Variants in FIBP observed in about 807,000 individuals in gnomAD.
FIBP encodes acidic fibroblast growth factor intracellular-binding protein.
Under a neutral mutation model 40.5 loss-of-function variants are expected in FIBP, and 29 were observed. The observed-to-expected ratio is 0.72, with a 90% CI of 0.53 to 0.98. FIBP has a LOEUF of 0.98. FIBP is among the 50% of genes least tolerant of loss of function. FIBP has a pLI of 0.00. For missense variants in FIBP, 411 were observed against 470.2 expected (o/e 0.87, Z 1.16); for synonymous variants, 215 against 191.1 (o/e 1.13, Z -1.03).
rs771257958 is a variant in FIBP at position 65,888,062 on chromosome 11, C to T, written c.156G>A (p.Leu52=). The T allele has an allele frequency of 1.6e-5, 25 of 1,609,128 alleles. No individual in the cohort carries two copies. The highest frequency in any genetic ancestry group is 1.0e-4 in the South Asian group (9 of 90,412). Residue 52 remains leucine (L), a synonymous_variant, in exon 2 of 10, where the codon CTG becomes CTA. Transcript: ENST00000357519. ...LEQTGATAAV[L]QSDTMDHYRT... Reference sequence around the variant, plus strand: ...GGTAATGGTCCATGGTGTCGCTCTGCAGCACCGCTGCCGTGGCGCCAGTCT... The same window carrying T: ...GGTAATGGTCCATGGTGTCGCTCTGTAGCACCGCTGCCGTGGCGCCAGTCT...
intron 4 of FIBP, chr11:65,885,952 C>T (rs1031228618): frequency 4.4e-6 from 2 of 451,696 alleles, no homozygotes; most frequent in South Asian, 6.4e-5. Context: ...TATGGTACCT[C>T]TCAACAGCCC....
chr11:65,884,550 C>CA lies in FIBP; in HGVS notation c.906+19dup, dbSNP rs1368019949. On this transcript the variant is annotated intron_variant, in intron 8 of 9. Transcript: ENST00000357519. ...GCCAGGGACAGACCAGGTTGGGTGT[C>CA]AGAGAGCACGACAGCTCACCTTCTC... is the stretch of plus-strand genomic sequence containing the variant. 1 of 1,614,022 alleles carries CA rather than the reference C, an allele frequency of 6.2e-7. No individual in the cohort carries two copies. The highest frequency in any genetic ancestry group is 8.5e-7 in the Non-Finnish European group (1 of 1,179,980).
chr11:65,885,767 G>A, intron 4 of FIBP, 104 bp from the exon 5 acceptor site: 8 of 1,146,818 alleles, frequency 7.0e-6, no homozygotes, highest in Non-Finnish European at 8.8e-6. Context: ...GCCTCTCTCT[G>A]CCTCAAGTCA....
At chr11:65,884,542 T>C (rs1267303947) in intron 8 of FIBP, 28 bp downstream of exon 8, 11 of 1,613,770 alleles carry the variant, frequency 6.8e-6, no homozygotes, top group Admixed American at 1.7e-5. Flanking sequence ...ACAGACCAGG[T>C]TGGGTGTCAG....
chr11:65,885,165 T>C lies in FIBP; in HGVS notation c.668A>G (p.Asp223Gly), dbSNP rs146124046. ...GAGAAATTCCTTGTCTAAGTCCATG[T>C]CCATGTCATCCATCTGTGAGTCTGT... ...GAVDSQMDDM[D>G]MDLDKEFLQD... The change falls in exon 6 of 10, where the codon GAC becomes GGC. Residue 223 changes from aspartate (D) to glycine (G), a missense_variant. Asp to Gly is a moderately conservative substitution (Grantham distance 94). Transcript: ENST00000357519. The C allele has an allele frequency of 2.8e-4, 440 of 1,565,280 alleles. No homozygotes were observed. The highest frequency in any genetic ancestry group is 3.1e-4 in the Non-Finnish European group (362 of 1,153,556).
In FIBP at chr11:65,888,347, G is replaced by A. The variant is rs959421310; in HGVS notation, c.72C>T (p.Leu24=). ...CCCCTCACGGACCCGAGTAACCATC[G>A]AGCCAGAGGCGATACACGTCCTCGT... The part of the protein sequence containing the change: ...LIDEDVYRLW[L]DGYSVTDAVA... The change falls in exon 1 of 10, where the codon CTC becomes CTT. Residue 24 remains leucine, a synonymous_variant. Coordinates refer to ENST00000357519, the MANE Select transcript of FIBP (RefSeq NM_004214.5). The A allele has an allele frequency of 1.2e-5, 18 of 1,555,348 alleles. No individual in the cohort carries two copies. Among genetic ancestry groups the A allele is most frequent in the Admixed American group, 3.9e-5 (2 of 51,768 alleles).
At position 65,887,745 on chromosome 11, in the gene FIBP, ACCATTGACC is replaced by A. The variant is rs748779039; in HGVS notation, c.285-28_285-20del. On this transcript the variant is annotated intron_variant, in intron 2 of 9. Coordinates refer to ENST00000357519, the MANE Select transcript of FIBP (RefSeq NM_004214.5). ...ATAGTACCTTGTGGAGTCAGAGAAC[ACCATTGACC>A]CTCCATAAAAGACAGGAAAGGGAGT... 3.1e-5 allele frequency: 50 copies of A among 1,613,198 alleles called. No homozygotes were observed. In the African/African-American group the frequency reaches 6.4e-4, roughly 21 times the overall value.
intron 5 of FIBP, 139 bp downstream of exon 5, chr11:65,885,391 T>C (rs1253511856): frequency 9.2e-7 from 1 of 1,091,006 alleles, no homozygotes; most frequent in Non-Finnish European, 1.3e-6. Flanking sequence ...AAACATTCTA[T>C]GGGCAGGGGG....
At chr11:65,885,329 G>A (rs1860207419) in intron 5 of FIBP, 143 bp from the exon 6 acceptor site, 2 of 912,472 alleles carry the variant, frequency 2.2e-6, no homozygotes, top group African/African-American at 3.3e-5. Flanking sequence ...ACATGCCCCA[G>A]GCCACAGAGA....
chr11:65,884,123 C>T, intron 9 of FIBP, 80 bp from the exon 10 acceptor site: 1 of 1,121,302 alleles, frequency 8.9e-7, no homozygotes, highest in East Asian at 2.4e-5. Context: ...GCTTTCTACA[C>T]CTTCATTCAT....
At chr11:65,888,230 C>T in intron 1 of FIBP, 98 bp from the exon 2 acceptor site, 3 of 1,464,338 alleles carry the variant, frequency 2.0e-6, no homozygotes, top group Non-Finnish European at 2.8e-6. Flanking sequence ...TATTCCCAGG[C>T]GCTCGCCCAC....
chr11:65,886,391 A>T lies in FIBP; in HGVS notation c.443T>A (p.Val148Glu). ...CACCAGGGAGCCCCGCATTTCCTCT[A>T]CCACCTTGAAGACCCGTTTAAAGTT... ...FDNFKRVFKVVEEMRGSLVDN... is the reference protein window; with the variant it reads ...FDNFKRVFKVEEEMRGSLVDN... Residue 148 changes from valine (V) to glutamate (E), a missense_variant, in exon 4 of 10, where the codon GTA (valine) becomes GAA (glutamate). Coordinates refer to ENST00000357519, the MANE Select transcript of FIBP (RefSeq NM_004214.5). The T allele has an allele frequency of 6.2e-7, 1 of 1,613,860 alleles. No homozygotes were observed. The highest frequency in any genetic ancestry group is 8.5e-7 in the Non-Finnish European group (1 of 1,179,900).
intron 3 of FIBP, 47 bp downstream of exon 3, chr11:65,887,553 A>G (rs1591079118): frequency 6.2e-7 from 1 of 1,606,226 alleles, no homozygotes; most frequent in South Asian, 1.1e-5. Flanking sequence ...AAAGGGAGGG[A>G]GTGAAGTGTA....
chr11:65,888,087 T>G lies in FIBP; in HGVS notation c.131A>C (p.Gln44Pro). 2 of 1,602,452 alleles carry G rather than the reference T, an allele frequency of 1.2e-6. No homozygotes were observed. Among genetic ancestry groups the G allele is most frequent in the Non-Finnish European group, 1.7e-6 (2 of 1,176,380 alleles). Residue 44 changes from glutamine to proline, a missense_variant, in exon 2 of 10, where the codon CAG (glutamine) becomes CCG (proline). Transcript: ENST00000357519. ...CAGCACCGCTGCCGTGGCGCCAGTC[T>G]GCTCCAGGATTCCCGAGCGCACCCG... ...ALRVRSGILE[Q>P]TGATAAVLQS...
rs368720933 is a variant in FIBP, at chr11:65,883,950, G to A, written c.*24C>T. On this transcript the variant is annotated 3_prime_UTR_variant, in exon 10 of 10. Coordinates refer to ENST00000357519, the MANE Select transcript of FIBP (RefSeq NM_004214.5). ...AACTCAGAGCAACTTTATTGTCAGCGTGGGCGGAGCGTTGGGAGGCACCTC... is the reference window on the plus strand; with the variant it reads ...AACTCAGAGCAACTTTATTGTCAGCATGGGCGGAGCGTTGGGAGGCACCTC... The A allele has an allele frequency of 1.3e-5, 21 of 1,610,246 alleles. No homozygotes were observed. The highest frequency in any genetic ancestry group is 1.7e-5 in the Admixed American group (1 of 59,870).
At chr11:65,888,203 AC>A in intron 1 of FIBP, 71 bp from the exon 2 acceptor site, 1 of 1,482,746 alleles carries the variant, frequency 6.7e-7, no homozygotes, top group Non-Finnish European at 9.1e-7. Flanking sequence ...TCCATCCCAG[AC>A]CCCTATAACA....
intron 7 of FIBP, 56 bp downstream of exon 7, chr11:65,884,879 G>T (rs1860191682): frequency 7.5e-6 from 12 of 1,595,648 alleles, no homozygotes; most frequent in Non-Finnish European, 9.5e-6. Flanking sequence ...CCCGGTAGGG[G>T]TGGCGAACTG....
chr11:65,888,395 G>A lies in FIBP; in HGVS notation c.24C>T (p.Phe8=), dbSNP rs746399361. 3.8e-6 allele frequency: 6 copies of A among 1,567,188 alleles called. No individual in the cohort carries two copies. Among genetic ancestry groups the A allele is most frequent in the African/African-American group, 2.7e-5 (2 of 73,752 alleles). Residue 8 remains phenylalanine (F), a synonymous_variant, in exon 1 of 10, where the codon TTC becomes TTT. Transcript: ENST00000357519. MTSELDI[F]VGNTTLIDED... ...CGTCGATAAGGGTCGTGTTCCCCACGAAGATGTCCAGCTCACTGGTCATGG... is the reference window on the plus strand; with the variant it reads ...CGTCGATAAGGGTCGTGTTCCCCACAAAGATGTCCAGCTCACTGGTCATGG...
Position 65,887,675 on chromosome 11 carries a change from C to G in FIBP, c.336G>C (p.Leu112=), listed in dbSNP as rs147829024. 6.2e-7 allele frequency: 1 copy of G among 1,614,134 alleles called. No individual in the cohort carries two copies. Among genetic ancestry groups the G allele is most frequent in the South Asian group, 1.1e-5 (1 of 91,076 alleles). ...AFVREVLGKK[L]SKGTKKDLDD... ...CCAGGTCTTTCTTGGTGCCTTTGGA[C>G]AGCTTCTTGCCCAGCACCTCCCGAA... Residue 112 remains leucine (L), a synonymous_variant, in exon 3 of 10, where the codon CTG becomes CTC. Coordinates refer to ENST00000357519, the MANE Select transcript of FIBP (RefSeq NM_004214.5).
Sources: allele counts gnomAD v4.1 joint callset, GRCh38; gene constraint gnomAD v4.1.1; transcripts MANE v1.5; gene names NCBI Gene and HGNC (gene_info 2026-07-23, HGNC 2026-07-21).